Variants in MATN2 observed in about 807,000 individuals in gnomAD.
MATN2 encodes matrilin 2, also known as matrilin-2.
MATN2 carries 69 observed loss-of-function variants against 103.2 expected under a neutral mutation model. That is an observed-to-expected ratio of 0.67 (90% confidence interval 0.55 to 0.82). The LOEUF (loss-of-function observed/expected upper bound fraction) is 0.82, where lower values mean the gene tolerates loss of function less well. MATN2 is among the 40% of genes least tolerant of loss of function. MATN2 has a pLI of 0.00. For missense variants in MATN2, 1,023 were observed against 1,211.5 expected, an observed-to-expected ratio of 0.84 and a Z score of 2.31; for synonymous variants, 429 against 450.2, an observed-to-expected ratio of 0.95 and a Z score of 0.60.
chr8:97,930,806 G>T (rs943852923), intron 2 of MATN2, 147 bp from the exon 3 acceptor site: 1 of 563,042 alleles, frequency 1.8e-6, no homozygotes, highest in African/African-American at 1.9e-5. Context: ...ATTTTTAGTA[G>T]AGACAGGGTT....
At chr8:97,967,482 G>T (rs1340378641) in intron 5 of MATN2, among the ~76,000 whole-genome samples, 1 of 152,104 alleles carries the variant, frequency 6.6e-6, no homozygotes, top group East Asian at 1.9e-4. Context: ...AAGGTACAAG[G>T]TGTTATAGGC....
At chr8:97,963,789 T>TC (rs1206098758) in intron 5 of MATN2, among the ~76,000 whole-genome samples, 1 of 152,118 alleles carries the variant, frequency 6.6e-6, no homozygotes, top group Non-Finnish European at 1.5e-5. Flanking sequence ...TACCACCTTT[T>TC]CCCCAATGCC....
At chr8:97,937,984 C>T (rs188486445) in intron 3 of MATN2, among the ~76,000 whole-genome samples, 54 of 152,212 alleles carry the variant, frequency 3.5e-4, no homozygotes, top group African/African-American at 1.2e-3. Flanking sequence ...GGTCTATTTC[C>T]GGTAGCCATC....
intron 12 of MATN2, among the ~76,000 whole-genome samples, chr8:98,019,803 T>A (rs1435692939): frequency 1.3e-5 from 2 of 152,244 alleles, no homozygotes; most frequent in African/African-American, 2.4e-5. Context: ...ATAACCCTTT[T>A]TCAATTAAGT....
intron 2 of MATN2, among the ~76,000 whole-genome samples, chr8:97,893,070 G>C (rs1818683452): frequency 1.3e-5 from 2 of 152,162 alleles, no homozygotes; most frequent in South Asian, 4.1e-4. Flanking sequence ...GCAGGGGTAG[G>C]AGCTGTGGAG....
At chr8:97,988,171 A>AAAAAAT (rs1252963740) in intron 6 of MATN2, among the ~76,000 whole-genome samples, 1 of 46,106 alleles carries the variant, frequency 2.2e-5, no homozygotes, top group African/African-American at 1.3e-4. Flanking sequence ...AAAAAAAAAA[A>AAAAAAT]ATATATATAT....
At chr8:98,004,886 C>T (rs944307085) in intron 8 of MATN2, among the ~76,000 whole-genome samples, 13 of 152,204 alleles carry the variant, frequency 8.5e-5, no homozygotes, top group African/African-American at 1.9e-4. Flanking sequence ...ACCATCTCCA[C>T]GGGTCCTGGC....
Position 97,907,023 on chromosome 8 carries a change from CAG to C in MATN2, c.142+18784_142+18785del, listed in dbSNP as rs1819194783. Among the ~76,000 whole-genome samples, 6 of 124,638 alleles carry C rather than the reference CAG, an allele frequency of 4.8e-5. No individual in the cohort carries two copies. The Admixed American group carries it at 5.4e-4, about 11-fold the overall frequency. 81.8% of individuals were successfully genotyped at this position (124,638 alleles called of 152,430 possible). A position where few individuals can be genotyped will look rare whatever the true frequency, so the allele number is the denominator to read the frequency against. ...TTTTTTTTTTTTTTTTTTTTTGAGA[CAG>C]AGTCTTGCTCTGTCGCCCAGGCTGG... On this transcript the variant is annotated intron_variant, in intron 2 of 18. Transcript: ENST00000254898.
At chr8:97,891,929 T>C (rs1320670705) in intron 2 of MATN2, among the ~76,000 whole-genome samples, 1 of 151,738 alleles carries the variant, frequency 6.6e-6, no homozygotes, top group Admixed American at 6.6e-5. Context: ...TAGGGATACC[T>C]TGTCTCTACA....
intron 6 of MATN2, among the ~76,000 whole-genome samples, chr8:97,987,174 T>A (rs778573249): frequency 5.3e-5 from 8 of 152,162 alleles, no homozygotes; most frequent in Non-Finnish European, 1.0e-4. Context: ...TCTACATTGC[T>A]TTCCATAGTT....
chr8:97,884,586 C>G (rs1052761180), intron 1 of MATN2, among the ~76,000 whole-genome samples: 1 of 152,076 alleles, frequency 6.6e-6, no homozygotes, highest in Non-Finnish European at 1.5e-5. Flanking sequence ...GCCTGGGCAA[C>G]ATGATGAAAC....
intron 2 of MATN2, among the ~76,000 whole-genome samples, chr8:97,904,086 T>A (rs1278237619): frequency 6.6e-6 from 1 of 152,228 alleles, no homozygotes; most frequent in East Asian, 1.9e-4. Flanking sequence ...TGGCAGATAT[T>A]CCCTCTAATT....
intron 1 of MATN2, among the ~76,000 whole-genome samples, chr8:97,887,659 CTAAT>C (rs749136617): frequency 6.6e-5 from 10 of 152,256 alleles, no homozygotes; most frequent in South Asian, 6.2e-4. Flanking sequence ...TTTATATAAA[CTAAT>C]TGATGCCATC....
intron 4 of MATN2, among the ~76,000 whole-genome samples, chr8:97,944,096 CA>C (rs1298937617): frequency 6.6e-6 from 1 of 152,122 alleles, no homozygotes; most frequent in Non-Finnish European, 1.5e-5. Flanking sequence ...ACAGACTGAC[CA>C]GGGGGAGGGG....
At position 97,884,382 on chromosome 8, in the gene MATN2, C is replaced by T. The variant is rs532948981; in HGVS notation, c.-26-3693C>T. On this transcript the variant is annotated intron_variant, in intron 1 of 18. Transcript: ENST00000254898. Reference sequence around the variant, plus strand: ...CTTGAACTCCTGACCTCAGGTGATACACCCACCTTAGCCTCCAAAGTGCTG... The same window carrying T: ...CTTGAACTCCTGACCTCAGGTGATATACCCACCTTAGCCTCCAAAGTGCTG... Among the ~76,000 whole-genome samples the T allele has an allele frequency of 3.9e-5, 6 of 152,116 alleles. No homozygotes were observed. The East Asian group carries it at 9.7e-4, about 25-fold the overall frequency.
chr8:98,023,855 C>T (rs962767690), intron 13 of MATN2, among the ~76,000 whole-genome samples: 4 of 152,080 alleles, frequency 2.6e-5, no homozygotes, highest in African/African-American at 7.2e-5. Context: ...GAATACTATG[C>T]GGCCATAAAA....
At chr8:97,991,716 T>C (rs2130348159) in intron 6 of MATN2, among the ~76,000 whole-genome samples, 4 of 146,274 alleles carry the variant, frequency 2.7e-5, no homozygotes, top group African/African-American at 1.0e-4. Flanking sequence ...AGCGAGACTC[T>C]ATCTCAAAAA....
intron 7 of MATN2, among the ~76,000 whole-genome samples, chr8:97,997,359 GA>G (rs1563715959): frequency 6.6e-6 from 1 of 152,176 alleles, no homozygotes; most frequent in Non-Finnish European, 1.5e-5. Context: ...TAAACTGTAG[GA>G]ACAGGACTTC....
intron 4 of MATN2, among the ~76,000 whole-genome samples, chr8:97,943,355 C>G (rs1265129438): frequency 6.6e-6 from 1 of 152,034 alleles, no homozygotes. Context: ...TCTCAGCTTC[C>G]CACCATCTTG....
Sources: gnomAD v4.1 joint callset for allele counts (sites outside exome capture counted in the v4.1 genomes callset) on GRCh38, gnomAD v4.1.1 for gene constraint, MANE v1.5 for transcripts, NCBI Gene and HGNC (gene_info 2026-07-23, HGNC 2026-07-21) for gene names.